Variants in CASK observed in about 807,000 individuals in gnomAD.
CASK encodes peripheral plasma membrane protein CASK.
CASK carries 4 observed loss-of-function variants against 82.9 expected under a neutral mutation model. That is an observed-to-expected ratio of 0.05 (90% CI 0.02 to 0.11). The LOEUF is 0.11. Ranked by LOEUF, CASK falls within the 10% of genes least tolerant of loss-of-function variation. The pLI, the probability that CASK is intolerant of heterozygous loss-of-function variation, is 1.00. For synonymous variants in CASK, 259 were observed against 253.5 expected, an observed-to-expected ratio of 1.02 and a Z score of -0.20; for missense variants, 358 against 720.9, an observed-to-expected ratio of 0.50 and a Z score of 5.76.
rs72190097 is a variant in CASK at position 41,869,812 on chromosome X, C to CAAAAAAAAAAAA, written c.60-16597_60-16586dup. ...TGGGTGATGAAGTAAGACTCTGTCTCAAAAAAAAAAAAAAAAAAAAAAAAG... is the reference window on the plus strand; with the variant it reads ...TGGGTGATGAAGTAAGACTCTGTCTCAAAAAAAAAAAAAAAAAAAAAAAAAAAAAAAAAAAAG... On this transcript the variant is annotated intron_variant, in intron 1 of 26. Coordinates refer to ENST00000378163, the MANE Select transcript of CASK (RefSeq NM_001367721.1). Among the ~76,000 whole-genome samples the CAAAAAAAAAAAA allele has an allele frequency of 4.1e-4, 5 of 12,116 alleles. 1 individual carries two copies. The highest frequency in any genetic ancestry group is 1.7e-3 in the African/African-American group (4 of 2,347). 10.5% of individuals were successfully genotyped at this position (12,116 alleles called of 115,157 possible).
intron 8 of CASK, among the ~76,000 whole-genome samples, chrX:41,659,460 T>C (rs1487702372): frequency 9.1e-6 from 1 of 109,883 alleles, no homozygotes; most frequent in Non-Finnish European, 1.9e-5. Context: ...ACTCCTGACC[T>C]TGTGATCCAC....
chrX:41,693,107 G>A (rs1436544164), intron 5 of CASK, among the ~76,000 whole-genome samples: 1 of 111,558 alleles, frequency 9.0e-6, no homozygotes, highest in Non-Finnish European at 1.9e-5. Context: ...TCACAGGTGA[G>A]TTTTTCACGT....
intron 3 of CASK, among the ~76,000 whole-genome samples, chrX:41,754,190 G>A (rs920207016): frequency 9.0e-6 from 1 of 110,818 alleles, no homozygotes; most frequent in African/African-American, 3.3e-5. Flanking sequence ...TTGAGCCCAG[G>A]AGTTCGAGAC....
At chrX:41,541,455 A>T (rs1280766203) in intron 22 of CASK, among the ~76,000 whole-genome samples, 1 of 112,051 alleles carries the variant, frequency 8.9e-6, no homozygotes, top group African/African-American at 3.2e-5. Context: ...CCTTCATAAA[A>T]CCAAAAAAGC....
intron 5 of CASK, among the ~76,000 whole-genome samples, chrX:41,692,133 A>G (rs1263417863): frequency 1.8e-5 from 2 of 111,989 alleles, no homozygotes; most frequent in East Asian, 5.6e-4. Flanking sequence ...TAAAGGAAGT[A>G]ATATAAATGT....
chrX:41,757,381 G>A (rs1307480870), intron 3 of CASK, among the ~76,000 whole-genome samples: 2 of 111,217 alleles, frequency 1.8e-5, no homozygotes, highest in Non-Finnish European at 3.8e-5. Flanking sequence ...CACTGGTGCT[G>A]ATGCCCTTTA....
intron 5 of CASK, among the ~76,000 whole-genome samples, chrX:41,725,738 C>T (rs1428796867): frequency 1.8e-5 from 2 of 112,164 alleles, no homozygotes; most frequent in Non-Finnish European, 3.8e-5. Context: ...AAAGTAAAAA[C>T]CAGCATTTAT....
chrX:41,643,307 A>C (rs771698052), intron 8 of CASK, among the ~76,000 whole-genome samples: 1 of 111,882 alleles, frequency 8.9e-6, no homozygotes, highest in East Asian at 2.8e-4. Flanking sequence ...CAATTCTGTG[A>C]AGAAAGTCAT....
intron 3 of CASK, among the ~76,000 whole-genome samples, chrX:41,778,474 G>A (rs1185544725): frequency 4.5e-5 from 5 of 110,661 alleles, no homozygotes; most frequent in Non-Finnish European, 9.4e-5. Flanking sequence ...CAAGTGATCC[G>A]CCCGCCTTGG....
intron 1 of CASK, among the ~76,000 whole-genome samples, chrX:41,864,608 C>G (rs1419021459): frequency 1.8e-5 from 2 of 111,834 alleles, no homozygotes; most frequent in Non-Finnish European, 3.8e-5. Context: ...TTTCAAACAA[C>G]TTTTGTCTGT....
At chrX:41,822,389 C>G (rs977376357) in intron 2 of CASK, among the ~76,000 whole-genome samples, 3 of 108,451 alleles carry the variant, frequency 2.8e-5, no homozygotes, top group Non-Finnish European at 5.7e-5. Flanking sequence ...GAAACCCCGT[C>G]TCTACTAAAA....
chrX:41,621,664 G>C (rs758814814), intron 11 of CASK, among the ~76,000 whole-genome samples: 12 of 111,859 alleles, frequency 1.1e-4, no homozygotes, highest in African/African-American at 3.9e-4. Context: ...GACAACTGCT[G>C]TTTTAAGGTA....
intron 5 of CASK, among the ~76,000 whole-genome samples, chrX:41,681,644 T>C (rs971924568): frequency 9.0e-6 from 1 of 111,415 alleles, no homozygotes; most frequent in Admixed American, 9.6e-5. Flanking sequence ...AAAAGTGCCA[T>C]TGGTGATGCT....
intron 1 of CASK, chrX:41,919,305 T>C (rs2072745376): frequency 8.9e-6 from 1 of 111,915 alleles, no homozygotes; most frequent in African/African-American, 3.2e-5. Flanking sequence ...GCAAGGGTCA[T>C]GCTGCATCAT....
At chrX:41,891,830 C>T (rs973028987) in intron 1 of CASK, among the ~76,000 whole-genome samples, 1 of 111,700 alleles carries the variant, frequency 9.0e-6, no homozygotes, top group Non-Finnish European at 1.9e-5. Flanking sequence ...AAACAAATGG[C>T]CAATTTATAG....
intron 13 of CASK, chrX:41,587,334 T>C (rs1373497523): frequency 1.4e-5 from 2 of 140,784 alleles, no homozygotes; most frequent in African/African-American, 6.4e-5. Flanking sequence ...AAAATCAATA[T>C]GGACAAAAAG....
rs189182811 is a variant in CASK, at chrX:41,663,959, C to T, written c.708+1318G>A. Among the ~76,000 whole-genome samples the T allele has an allele frequency of 3.4e-3, 378 of 111,834 alleles. 1 individual carries two copies. Among genetic ancestry groups the T allele is most frequent in the Non-Finnish European group, 6.0e-3 (320 of 53,196 alleles). On this transcript the variant is annotated intron_variant, in intron 7 of 26. Coordinates refer to ENST00000378163, the MANE Select transcript of CASK (RefSeq NM_001367721.1). ...TTTGGCTGTGCATTCCTGAGAGCAA[C>T]TTACAACTTCCCTGGATTGAAGAGG... is the stretch of plus-strand genomic sequence containing the variant.
At chrX:41,896,003 G>A (rs774427246) in intron 1 of CASK, among the ~76,000 whole-genome samples, 1 of 111,635 alleles carries the variant, frequency 9.0e-6, no homozygotes, top group East Asian at 2.8e-4. Flanking sequence ...TTACTCTCTG[G>A]AGAGGTTGAA....
chrX:41,571,987 A>G (rs1164699727), intron 15 of CASK, among the ~76,000 whole-genome samples: 1 of 111,537 alleles, frequency 9.0e-6, no homozygotes, highest in Non-Finnish European at 1.9e-5. Flanking sequence ...GTCTAATTTA[A>G]TCCCAGTGTG....
Sources: allele counts gnomAD v4.1 joint callset (sites outside exome capture counted in the v4.1 genomes callset), GRCh38; gene constraint gnomAD v4.1.1; transcripts MANE v1.5; gene names NCBI Gene and HGNC (gene_info 2026-07-23, HGNC 2026-07-21).